The following DMD variants were observed in gnomAD, a reference collection of about 807,000 sequenced individuals.
DMD encodes mutant dystrophin.
In DMD, 63 loss-of-function variants were observed where a neutral mutation model predicts 330.1. The observed-to-expected ratio is 0.19, with a 90% CI of 0.16 to 0.24. The LOEUF (loss-of-function observed/expected upper bound fraction) is 0.24, where lower values mean the gene tolerates loss of function less well. Ranked by LOEUF, DMD falls within the 10% of genes least tolerant of loss-of-function variation. The pLI is 1.00. For missense variants in DMD, 3,344 were observed against 2,684.1 expected (o/e 1.25, Z -5.43); for synonymous variants, 1,223 against 959.8 (o/e 1.27, Z -5.07).
chrX:33,122,193 C>G (rs1314205742), intron 1 of DMD, among the ~76,000 whole-genome samples: 1 of 111,905 alleles, frequency 8.9e-6, no homozygotes, highest in Non-Finnish European at 1.9e-5. Context: ...CCAGTGAGCT[C>G]CAGCCTGGGT....
At chrX:31,374,021 A>C (rs1349643831) in intron 60 of DMD, among the ~76,000 whole-genome samples, 1 of 105,290 alleles carries the variant, frequency 9.5e-6, no homozygotes, top group Non-Finnish European at 1.9e-5. Context: ...GGACATGAAC[A>C]GACACTTCTC....
chrX:31,879,210 G>GT (rs1556965812), intron 47 of DMD, among the ~76,000 whole-genome samples: 1,243 of 7,900 alleles, frequency 0.16, 26 homozygotes, highest in African/African-American at 0.38. Context: ...TCTACATGGC[G>GT]GGGGGGGGCC....
chrX:32,536,424 A>G (rs73621804), intron 17 of DMD, among the ~76,000 whole-genome samples: 1,649 of 111,551 alleles, frequency 0.015, 34 homozygotes, highest in African/African-American at 0.051. Context: ...AGAAAACAGT[A>G]GGTACAAAGA....
At chrX:32,256,019 G>T (rs935927121) in intron 43 of DMD, among the ~76,000 whole-genome samples, 1 of 110,964 alleles carries the variant, frequency 9.0e-6, no homozygotes, top group African/African-American at 3.3e-5. Flanking sequence ...AAACATACTT[G>T]CCTGGAATGT....
At chrX:31,665,108 CAGG>C (rs1226690716) in intron 53 of DMD, among the ~76,000 whole-genome samples, 7 of 111,429 alleles carry the variant, frequency 6.3e-5, no homozygotes, top group Non-Finnish European at 1.1e-4. Flanking sequence ...CATAAAAATG[CAGG>C]TTTCTGGACT....
At chrX:32,776,557 G>A (rs1034742979) in intron 7 of DMD, among the ~76,000 whole-genome samples, 6 of 110,991 alleles carry the variant, frequency 5.4e-5, no homozygotes, top group Non-Finnish European at 9.4e-5. Flanking sequence ...CAGGGCAGTG[G>A]GGTCGGGGGG....
chrX:32,968,812 G>C (rs1216304764), intron 2 of DMD, among the ~76,000 whole-genome samples: 1 of 108,184 alleles, frequency 9.2e-6, no homozygotes, highest in Non-Finnish European at 1.9e-5. Flanking sequence ...GGTGGATCAC[G>C]AGGTCAGGAG....
chrX:31,975,655 A>T (rs1182775226), intron 44 of DMD, among the ~76,000 whole-genome samples: 1 of 112,078 alleles, frequency 8.9e-6, no homozygotes, highest in African/African-American at 3.2e-5. Flanking sequence ...ATCGTGGAAC[A>T]TATTGCACGT....
intron 2 of DMD, among the ~76,000 whole-genome samples, chrX:33,008,793 C>T (rs868421746): frequency 3.4e-5 from 2 of 58,145 alleles, no homozygotes; most frequent in Non-Finnish European, 6.4e-5. Context: ...ACTATATATA[C>T]GTATATATAC....
intron 52 of DMD, among the ~76,000 whole-genome samples, chrX:31,697,388 G>A (rs1014174903): frequency 7.2e-5 from 8 of 110,829 alleles, no homozygotes; most frequent in African/African-American, 1.3e-4. Context: ...ACAAAGGTCC[G>A]TCATGGAAAG....
intron 66 of DMD, among the ~76,000 whole-genome samples, chrX:31,206,062 C>T (rs1321749304): frequency 5.3e-5 from 6 of 112,248 alleles, no homozygotes; most frequent in East Asian, 5.5e-4. Flanking sequence ...TAGGGTGGTA[C>T]GTATCTATCC....
At chrX:32,554,333 T>C (rs776584819) in intron 16 of DMD, among the ~76,000 whole-genome samples, 57 of 110,865 alleles carry the variant, frequency 5.1e-4, no homozygotes, top group Non-Finnish European at 7.6e-4. Flanking sequence ...GAGCTGGTTT[T>C]TGGAAAAAAA....
At chrX:32,772,785 C>A (rs769284915) in intron 7 of DMD, among the ~76,000 whole-genome samples, 1 of 111,738 alleles carries the variant, frequency 8.9e-6, no homozygotes, top group Non-Finnish European at 1.9e-5. Flanking sequence ...AGACTCCCCC[C>A]TATATCAAGC....
At chrX:31,634,015 T>C (rs1279046995) in intron 54 of DMD, among the ~76,000 whole-genome samples, 1 of 112,203 alleles carries the variant, frequency 8.9e-6, no homozygotes, top group African/African-American at 3.2e-5. Flanking sequence ...GATATATTCA[T>C]TGTACTAAAA....
At chrX:32,747,357 C>T (rs770252517) in intron 7 of DMD, among the ~76,000 whole-genome samples, 1 of 112,175 alleles carries the variant, frequency 8.9e-6, no homozygotes, top group Non-Finnish European at 1.9e-5. Context: ...AGTTGGAGAA[C>T]GAGTACCATC....
chrX:33,017,531 A>C (rs1449591467), intron 2 of DMD, among the ~76,000 whole-genome samples: 3 of 111,523 alleles, frequency 2.7e-5, no homozygotes, highest in African/African-American at 9.8e-5. Flanking sequence ...AGTCTTCTTC[A>C]ACACAATTTT....
chrX:32,258,141 G>A (rs146174905), intron 43 of DMD, among the ~76,000 whole-genome samples: 17 of 111,257 alleles, frequency 1.5e-4, no homozygotes, highest in South Asian at 3.8e-4. Context: ...TTAGAATGGC[G>A]AACATTCAAA....
At chrX:32,052,839 T>C (rs2096127583) in intron 44 of DMD, among the ~76,000 whole-genome samples, 1 of 111,188 alleles carries the variant, frequency 9.0e-6, no homozygotes, top group Non-Finnish European at 1.9e-5. Context: ...CAGCAGGAGA[T>C]GAACTGTAAT....
intron 49 of DMD, among the ~76,000 whole-genome samples, chrX:31,833,273 G>GGAGAGAGAGAGAGA (rs1248049970): frequency 1.6e-3 from 78 of 49,827 alleles, no homozygotes; most frequent in Non-Finnish European, 2.1e-3. Flanking sequence ...GGAGGAAGGG[G>GGAGAGAGAGAGAGA]GAGAGAGAGA....
Sources: gnomAD v4.1 joint callset for allele counts (sites outside exome capture counted in the v4.1 genomes callset) on GRCh38, gnomAD v4.1.1 for gene constraint, MANE v1.5 for transcripts, NCBI Gene and HGNC (gene_info 2026-07-23, HGNC 2026-07-21) for gene names.